MGAT4C: variants seen among roughly 807,000 people sequenced by gnomAD.
MGAT4C encodes MGAT4 family member C.
Under a neutral mutation model 40.1 loss-of-function variants are expected in MGAT4C, and 19 were observed. That is an observed-to-expected ratio of 0.47 (90% confidence interval 0.33 to 0.70). The LOEUF is 0.70. MGAT4C is among the 30% of genes least tolerant of loss of function. The pLI is 0.02. For missense variants in MGAT4C, 491 were observed against 563.2 expected, an observed-to-expected ratio of 0.87 and a Z score of 1.30; for synonymous variants, 181 against 187.1, an observed-to-expected ratio of 0.97 and a Z score of 0.27.
chr12:85,986,602 A>C (rs1004254946), intron 3 of MGAT4C, among the ~76,000 whole-genome samples: 27 of 152,256 alleles, frequency 1.8e-4, no homozygotes, highest in African/African-American at 6.3e-4. Flanking sequence ...CTAACTCCAG[A>C]GACCTTACTA....
At position 86,763,913 on chromosome 12, in the gene MGAT4C, T is replaced by C. The variant is rs149604563; in HGVS notation, c.-261-36672A>G. Among the ~76,000 whole-genome samples the C allele has an allele frequency of 4.3e-4, 66 of 152,268 alleles. 1 individual carries two copies. Among genetic ancestry groups the C allele is most frequent in the Admixed American group, 1.3e-3 (20 of 15,300 alleles). ...GACGGCCGAATAGGAACAGCTCCTG[T>C]CTACAGCTCCCAGCATGAGCAACGC... On this transcript the variant is annotated intron_variant, in intron 1 of 7. Transcript: ENST00000548651.
chr12:86,171,556 T>G (rs1304750818), intron 1 of MGAT4C, among the ~76,000 whole-genome samples: 1 of 152,142 alleles, frequency 6.6e-6, no homozygotes, highest in East Asian at 1.9e-4. Context: ...GTTTATAATT[T>G]CCATTTAATA....
Position 86,276,304 on chromosome 12 carries a change from G to C in MGAT4C, c.-57+57761C>G, listed in dbSNP as rs556206493. Reference sequence around the variant, plus strand: ...ATTTTTAATTTTGTAGGTATATGGTGTCTATATTTAACGAGGTACATGAGA... The same window carrying C: ...ATTTTTAATTTTGTAGGTATATGGTCTCTATATTTAACGAGGTACATGAGA... On this transcript the variant is annotated intron_variant, in intron 4 of 7. Coordinates refer to the MGAT4C transcript ENST00000548651. Among the ~76,000 whole-genome samples the C allele has an allele frequency of 5.9e-5, 9 of 152,022 alleles. No homozygotes were observed. In the South Asian group the frequency reaches 1.7e-3, roughly 28 times the overall value.
rs541610594 is a variant in MGAT4C, at chr12:86,333,107, C to T, written c.-57+958G>A. 4.6e-5 allele frequency among the ~76,000 whole-genome samples: 7 copies of T among 152,240 alleles called. No homozygotes were observed. In the East Asian group the frequency reaches 9.7e-4, roughly 21 times the overall value. ...TAGTATGTATGAATGACAGAACCTC[C>T]TGATAAATTAATGACAGGTACATCT... is the stretch of plus-strand genomic sequence containing the variant. On this transcript the variant is annotated intron_variant, in intron 4 of 7. Transcript: ENST00000548651.
intron 3 of MGAT4C, among the ~76,000 whole-genome samples, chr12:86,355,879 C>T (rs533294264): frequency 6.6e-6 from 1 of 151,626 alleles, no homozygotes; most frequent in East Asian, 1.9e-4. Context: ...CTGTACGTTC[C>T]TTAAACTTAA....
At chr12:86,119,279 C>A (rs1343291700) in intron 1 of MGAT4C, among the ~76,000 whole-genome samples, 1 of 152,026 alleles carries the variant, frequency 6.6e-6, no homozygotes, top group Non-Finnish European at 1.5e-5. Flanking sequence ...AGACCCACTT[C>A]CAGAGCAAAA....
chr12:86,264,040 T>A (rs1952724434), intron 4 of MGAT4C, among the ~76,000 whole-genome samples: 1 of 151,968 alleles, frequency 6.6e-6, no homozygotes, highest in Non-Finnish European at 1.5e-5. Context: ...TGGGGGGTTG[T>A]TGTTGGTGGG....
At chr12:86,161,361 C>A (rs1000171452) in intron 1 of MGAT4C, among the ~76,000 whole-genome samples, 1 of 152,032 alleles carries the variant, frequency 6.6e-6, no homozygotes, top group Non-Finnish European at 1.5e-5. Context: ...AAGCCACACA[C>A]CTACAACCAT....
intron 2 of MGAT4C, among the ~76,000 whole-genome samples, chr12:86,719,555 G>C (rs1348903170): frequency 2.6e-5 from 4 of 152,102 alleles, no homozygotes; most frequent in Non-Finnish European, 4.4e-5. Context: ...CTTGATGATG[G>C]CTCAGTCTTA....
chr12:86,300,715 TC>T (rs143068896), intron 4 of MGAT4C, among the ~76,000 whole-genome samples: 1 of 151,800 alleles, frequency 6.6e-6, no homozygotes, highest in South Asian at 2.1e-4. Context: ...TAGCAAAAGA[TC>T]CCCCCTCCTC....
At chr12:86,385,184 C>T (rs1292760482) in intron 3 of MGAT4C, among the ~76,000 whole-genome samples, 51 of 152,082 alleles carry the variant, frequency 3.4e-4, no homozygotes, top group Non-Finnish European at 2.9e-5. Flanking sequence ...GACTGAGTTA[C>T]ATAATTTTTT....
intron 1 of MGAT4C, among the ~76,000 whole-genome samples, chr12:86,171,822 A>C (rs1223299618): frequency 5.3e-5 from 8 of 152,194 alleles, no homozygotes; most frequent in Non-Finnish European, 2.9e-5. Flanking sequence ...TGGATGAATG[A>C]ATCCACATTT....
intron 2 of MGAT4C, among the ~76,000 whole-genome samples, chr12:86,672,555 T>A (rs957054751): frequency 6.6e-6 from 1 of 150,970 alleles, no homozygotes; most frequent in African/African-American, 2.4e-5. Flanking sequence ...AACAAGAGGA[T>A]CCAAATAAAC....
Position 86,774,355 on chromosome 12 carries a change from C to CTTTCTGT in MGAT4C, c.-261-47115_-261-47114insACAGAAA, listed in dbSNP as rs1212187906. Among the ~76,000 whole-genome samples, 5 of 20,402 alleles carry CTTTCTGT rather than the reference C, an allele frequency of 2.5e-4. 1 individual carries two copies. Among genetic ancestry groups the CTTTCTGT allele is most frequent in the Non-Finnish European group, 8.4e-4 (5 of 5,932 alleles). The allele number at this position is 20,402 out of a possible 152,430, so 13.4% of individuals were successfully genotyped here. On this transcript the variant is annotated intron_variant, in intron 1 of 7. Coordinates refer to the MGAT4C transcript ENST00000548651. ...TCTTTCTTTCTGTCTCTCTCTCTCC[C>CTTTCTGT]CTCTCTCTCTCTCTCTTTCTGTCTG...
intron 2 of MGAT4C, among the ~76,000 whole-genome samples, chr12:86,436,150 T>A (rs936324295): frequency 1.3e-5 from 2 of 151,864 alleles, no homozygotes; most frequent in African/African-American, 4.8e-5. Flanking sequence ...AAAATATGAA[T>A]TAACTGGATG....
Position 86,603,907 on chromosome 12 carries a change from CTA to C in MGAT4C, c.-229+123300_-229+123301del, listed in dbSNP as rs776051540. 2.5e-4 allele frequency among the ~76,000 whole-genome samples: 37 copies of C among 149,978 alleles called. 1 individual carries two copies. In the East Asian group the frequency reaches 5.7e-3, roughly 23 times the overall value. On this transcript the variant is annotated intron_variant, in intron 2 of 7. Coordinates refer to the MGAT4C transcript ENST00000548651. ...TACTTATGGGACACACAAAAGATAA[CTA>C]TTTGAGGTGCTGGATATCTTAATTA... is the stretch of plus-strand genomic sequence containing the variant.
chr12:86,811,610 G>C (rs1952476037), intron 1 of MGAT4C, among the ~76,000 whole-genome samples: 1 of 151,236 alleles, frequency 6.6e-6, no homozygotes, highest in South Asian at 2.1e-4. Flanking sequence ...CCAAAGTGCT[G>C]AGATTACAGG....
intron 2 of MGAT4C, among the ~76,000 whole-genome samples, chr12:86,470,332 A>T (rs73189396): frequency 0.1 from 15,268 of 151,962 alleles, 996 homozygotes; most frequent in Middle Eastern, 0.25. Context: ...CCCTTTTTTT[A>T]CTTATCTGAA....
At chr12:86,096,844 A>C (rs1375656974) in intron 1 of MGAT4C, among the ~76,000 whole-genome samples, 1 of 151,624 alleles carries the variant, frequency 6.6e-6, no homozygotes. Context: ...CCTAAATCCC[A>C]TATAATATAT....
Sources: allele counts gnomAD v4.1 joint callset (sites outside exome capture counted in the v4.1 genomes callset), GRCh38; gene constraint gnomAD v4.1.1; transcripts MANE v1.5; gene names NCBI Gene and HGNC (gene_info 2026-07-23, HGNC 2026-07-21).